The following VTI1A variants were observed in gnomAD, a reference collection of about 807,000 sequenced individuals.
The protein encoded by VTI1A is vesicle transport through interaction with t-SNAREs 1A, also known as vesicle transport through interaction with t-SNAREs homolog 1A.
In VTI1A, 22 loss-of-function variants were observed where a neutral mutation model predicts 34.9. The ratio of observed to expected loss-of-function variants is 0.63; its 90% CI spans 0.45 to 0.90. The LOEUF is 0.90. Among genes scored for constraint, VTI1A ranks in the 40% least tolerant of loss-of-function variants. VTI1A has a pLI of 0.00. For missense variants in VTI1A, 268 were observed against 275.6 expected (o/e 0.97, Z 0.20); for synonymous variants, 87 against 97.3 (o/e 0.89, Z 0.62).
intron 7 of VTI1A, among the ~76,000 whole-genome samples, chr10:112,703,013 T>G (rs989574610): frequency 6.6e-6 from 1 of 152,226 alleles, no homozygotes; most frequent in Non-Finnish European, 1.5e-5. Context: ...GTGATCTGAT[T>G]TTTTTAATCA....
At chr10:112,706,027 T>G (rs1849185190) in intron 7 of VTI1A, among the ~76,000 whole-genome samples, 1 of 152,212 alleles carries the variant, frequency 6.6e-6, no homozygotes, top group South Asian at 2.1e-4. Context: ...TTGTGTTAGG[T>G]GGACTGTCAC....
intron 5 of VTI1A, among the ~76,000 whole-genome samples, chr10:112,557,075 A>G: frequency 6.6e-6 from 1 of 152,200 alleles, no homozygotes; most frequent in South Asian, 2.1e-4. Flanking sequence ...TTTTTATATT[A>G]AGTATTTTTT....
chr10:112,669,832 C>T (rs1847785104), intron 7 of VTI1A, among the ~76,000 whole-genome samples: 1 of 152,104 alleles, frequency 6.6e-6, no homozygotes, highest in African/African-American at 2.4e-5. Flanking sequence ...ATCACATATC[C>T]ATATACAATA....
At chr10:112,563,465 A>C (rs1257013444) in intron 5 of VTI1A, among the ~76,000 whole-genome samples, 1 of 152,206 alleles carries the variant, frequency 6.6e-6, no homozygotes, top group Non-Finnish European at 1.5e-5. Flanking sequence ...CTGTAACCTT[A>C]TCGCATACTT....
At position 112,750,908 on chromosome 10, in the gene VTI1A, T is replaced by C. The variant is rs73352410; in HGVS notation, c.561-64382T>C. On this transcript the variant is annotated intron_variant, in intron 7 of 7. Coordinates refer to ENST00000393077, the MANE Select transcript of VTI1A (RefSeq NM_145206.4). ...CCTCGGCCTTTAGTATCTCACTATC[T>C]TTGAGATAACAAAGGTTTCCACAGA... Among the ~76,000 whole-genome samples, 750 of 152,316 alleles carry C rather than the reference T, an allele frequency of 4.9e-3. 5 individuals are homozygous for C. Among genetic ancestry groups the C allele is most frequent in the African/African-American group, 0.017 (707 of 41,556 alleles).
chr10:112,484,186 A>G (rs954833627), intron 3 of VTI1A, among the ~76,000 whole-genome samples: 1 of 152,232 alleles, frequency 6.6e-6, no homozygotes, highest in Non-Finnish European at 1.5e-5. Context: ...AATACTAACT[A>G]GCTGAGTGCC....
intron 5 of VTI1A, among the ~76,000 whole-genome samples, chr10:112,609,728 G>C (rs906784613): frequency 6.6e-6 from 1 of 151,886 alleles, no homozygotes; most frequent in African/African-American, 2.4e-5. Context: ...ATATTATTAC[G>C]CCCTCAATTT....
At chr10:112,502,459 AAAAG>A (rs1157976955) in intron 3 of VTI1A, among the ~76,000 whole-genome samples, 1 of 152,220 alleles carries the variant, frequency 6.6e-6, no homozygotes, top group African/African-American at 2.4e-5. Flanking sequence ...CCCCTACAAA[AAAAG>A]AAAGACATTA....
At chr10:112,731,193 A>T (rs1039395739) in intron 7 of VTI1A, among the ~76,000 whole-genome samples, 1 of 152,170 alleles carries the variant, frequency 6.6e-6, no homozygotes, top group Non-Finnish European at 1.5e-5. Flanking sequence ...GATAACATGA[A>T]GTTAGCTACA....
chr10:112,603,030 A>G (rs886725804), intron 5 of VTI1A, among the ~76,000 whole-genome samples: 2 of 152,208 alleles, frequency 1.3e-5, no homozygotes, highest in Non-Finnish European at 2.9e-5. Flanking sequence ...GTTGTTAATA[A>G]TACTTTATTT....
chr10:112,840,325 A>T, the VTI1A span, among the ~76,000 whole-genome samples: 1 of 152,202 alleles, frequency 6.6e-6, no homozygotes, highest in East Asian at 1.9e-4. Context: ...GTTAGATAGG[A>T]TGCCCCCTTC....
chr10:112,801,691 G>C (rs1359812914), intron 7 of VTI1A, among the ~76,000 whole-genome samples: 2 of 152,152 alleles, frequency 1.3e-5, no homozygotes, highest in Non-Finnish European at 2.9e-5. Context: ...GTCATTGGCA[G>C]CTCCCAGAGA....
At chr10:112,766,956 G>T (rs1191451711) in intron 7 of VTI1A, among the ~76,000 whole-genome samples, 1 of 152,174 alleles carries the variant, frequency 6.6e-6, no homozygotes, top group Non-Finnish European at 1.5e-5. Context: ...TGAGAAAAAC[G>T]TAGCAATAGT....
chr10:112,471,367 A>ATTTTTTTTTTTT (rs576549183), intron 3 of VTI1A, among the ~76,000 whole-genome samples: 33 of 94,374 alleles, frequency 3.5e-4, no homozygotes, highest in African/African-American at 4.7e-4. Context: ...ATTCTTATTG[A>ATTTTTTTTTTTT]TTTTTTTTTT....
intron 5 of VTI1A, among the ~76,000 whole-genome samples, chr10:112,552,461 G>T (rs898736993): frequency 1.3e-5 from 2 of 152,150 alleles, no homozygotes; most frequent in Non-Finnish European, 2.9e-5. Flanking sequence ...AACAAAATCT[G>T]TCCTAAGAAG....
chr10:112,539,664 T>G (rs72821895), intron 5 of VTI1A, among the ~76,000 whole-genome samples: 3,011 of 152,284 alleles, frequency 0.02, 62 homozygotes, highest in Non-Finnish European at 0.027. Context: ...TTCTAGCTCT[T>G]GTTTGTGTGA....
At chr10:112,739,595 A>G (rs1850620669) in intron 7 of VTI1A, among the ~76,000 whole-genome samples, 1 of 152,216 alleles carries the variant, frequency 6.6e-6, no homozygotes, top group Non-Finnish European at 1.5e-5. Context: ...TTCAACAGAG[A>G]CATTCTTTTC....
chr10:112,629,501 C>CTGGT (rs1846052960), intron 5 of VTI1A, among the ~76,000 whole-genome samples: 1 of 152,192 alleles, frequency 6.6e-6, no homozygotes, highest in African/African-American at 2.4e-5. Context: ...CTTTTAAAAA[C>CTGGT]AGGACCTTTT....
chr10:112,731,099 G>A (rs1850241123), intron 7 of VTI1A, among the ~76,000 whole-genome samples: 1 of 152,042 alleles, frequency 6.6e-6, no homozygotes, highest in African/African-American at 2.4e-5. Flanking sequence ...TTTATATCAA[G>A]GGTAGCACTC....
Sources: allele counts gnomAD v4.1 joint callset (sites outside exome capture counted in the v4.1 genomes callset), GRCh38; gene constraint gnomAD v4.1.1; transcripts MANE v1.5; gene names NCBI Gene and HGNC (gene_info 2026-07-23, HGNC 2026-07-21).